The following MGAT4C variants were observed in gnomAD, a reference collection of about 807,000 sequenced individuals.
The protein encoded by MGAT4C is alpha-1,3-mannosyl-glycoprotein 4-beta-N-acetylglucosaminyltransferase C.
A neutral mutation model predicts 40.1 loss-of-function variants in MGAT4C; 19 were observed. That is an observed-to-expected ratio of 0.47 (90% CI 0.33 to 0.70). MGAT4C has a LOEUF of 0.70. Among genes scored for constraint, MGAT4C ranks in the 30% least tolerant of loss-of-function variants. The pLI, the probability that MGAT4C is intolerant of heterozygous loss-of-function variation, is 0.02. For synonymous variants in MGAT4C, 181 were observed against 187.1 expected, an observed-to-expected ratio of 0.97 and a Z score of 0.27; for missense variants, 491 against 563.2, an observed-to-expected ratio of 0.87 and a Z score of 1.30.
At chr12:86,160,491 G>A (rs757731762) in intron 1 of MGAT4C, among the ~76,000 whole-genome samples, 4 of 151,936 alleles carry the variant, frequency 2.6e-5, no homozygotes, top group Non-Finnish European at 4.4e-5. Flanking sequence ...CTTTATGAGC[G>A]AGCATGTGAT....
intron 2 of MGAT4C, among the ~76,000 whole-genome samples, chr12:86,588,329 A>G (rs375749605): frequency 3.3e-5 from 5 of 151,962 alleles, no homozygotes; most frequent in East Asian, 3.9e-4. Context: ...ATGGTAAAGG[A>G]ATCAATTCAA....
In MGAT4C at chr12:86,201,232, G is replaced by A. The variant is rs1294373992; in HGVS notation, c.-57+55007C>T. Reference sequence around the variant, plus strand: ...CTCTGCATGTATGCATGACCCATGCGAAAATATTTTTTATATGATGTGAGA... The same window carrying A: ...CTCTGCATGTATGCATGACCCATGCAAAAATATTTTTTATATGATGTGAGA... On this transcript the variant is annotated intron_variant, in intron 1 of 4. Coordinates refer to ENST00000611864, the MANE Select transcript of MGAT4C (RefSeq NM_001351288.2). Among the ~76,000 whole-genome samples the A allele has an allele frequency of 2.6e-5, 4 of 152,040 alleles. No individual in the cohort carries two copies. In the East Asian group the frequency reaches 5.8e-4, roughly 22 times the overall value.
At chr12:86,216,832 T>C (rs1229613700) in intron 1 of MGAT4C, among the ~76,000 whole-genome samples, 1 of 152,198 alleles carries the variant, frequency 6.6e-6, no homozygotes, top group African/African-American at 2.4e-5. Flanking sequence ...ATTGCAGACA[T>C]ACAACTATCT....
At chr12:86,748,031 A>G (rs778927205) in intron 1 of MGAT4C, among the ~76,000 whole-genome samples, 29 of 151,668 alleles carry the variant, frequency 1.9e-4, no homozygotes, top group Non-Finnish European at 3.8e-4. Context: ...ATTAGGAACC[A>G]AGCCCTGTTT....
At chr12:86,020,927 G>A (rs1272620615) in intron 2 of MGAT4C, among the ~76,000 whole-genome samples, 1 of 152,178 alleles carries the variant, frequency 6.6e-6, no homozygotes. Context: ...AGTGGGCAGA[G>A]GATATGAACA....
intron 2 of MGAT4C, among the ~76,000 whole-genome samples, chr12:86,043,814 G>T (rs1892120105): frequency 6.6e-6 from 1 of 152,118 alleles, no homozygotes; most frequent in Non-Finnish European, 1.5e-5. Flanking sequence ...ACTTGAATTG[G>T]GTTTTGACTT....
At chr12:86,804,692 C>G (rs1322574957) in intron 1 of MGAT4C, among the ~76,000 whole-genome samples, 1 of 151,862 alleles carries the variant, frequency 6.6e-6, no homozygotes, top group African/African-American at 2.4e-5. Flanking sequence ...ATTTCTAAGT[C>G]AAATTGTTAA....
At chr12:86,538,809 G>A (rs1401991881) in intron 2 of MGAT4C, among the ~76,000 whole-genome samples, 6 of 151,682 alleles carry the variant, frequency 4.0e-5, no homozygotes, top group Admixed American at 2.6e-4. Context: ...GGGTTTCACC[G>A]TGTTAGCCAG....
chr12:86,021,453 C>G (rs1889720100), intron 2 of MGAT4C, among the ~76,000 whole-genome samples: 2 of 151,704 alleles, frequency 1.3e-5, no homozygotes, highest in Admixed American at 1.3e-4. Context: ...ATGGATGAAG[C>G]TGGAAACCAT....
intron 2 of MGAT4C, among the ~76,000 whole-genome samples, chr12:86,616,041 A>C (rs932500438): frequency 2.6e-5 from 4 of 152,144 alleles, no homozygotes; most frequent in Admixed American, 1.3e-4. Context: ...TGTAGTATTC[A>C]AGCTCATAAA....
At chr12:86,205,772 T>G (rs977614159) in intron 1 of MGAT4C, among the ~76,000 whole-genome samples, 1 of 152,060 alleles carries the variant, frequency 6.6e-6, no homozygotes, top group Non-Finnish European at 1.5e-5. Context: ...AGAATTTTAA[T>G]TCAGACTTCC....
At chr12:86,416,942 A>G (rs1017001589) in intron 3 of MGAT4C, among the ~76,000 whole-genome samples, 1 of 152,150 alleles carries the variant, frequency 6.6e-6, no homozygotes, top group African/African-American at 2.4e-5. Flanking sequence ...ATTATTTCCT[A>G]CAGGTTTCAA....
intron 3 of MGAT4C, among the ~76,000 whole-genome samples, chr12:86,424,331 C>G (rs1396917399): frequency 6.6e-6 from 1 of 152,204 alleles, no homozygotes; most frequent in Non-Finnish European, 1.5e-5. Flanking sequence ...CCAATCATCA[C>G]AGGAAGTGCA....
At position 85,966,619 on chromosome 12, in the gene MGAT4C, A is replaced by G. The variant is rs1419996328; in HGVS notation, c.*12670T>C. 1 of 152,136 alleles carries G rather than the reference A, an allele frequency of 6.6e-6. No homozygotes were observed. The highest frequency in any genetic ancestry group is 1.5e-5 in the Non-Finnish European group (1 of 68,034). 9.4% of individuals were successfully genotyped at this position (152,136 alleles called of 1,614,324 possible). On this transcript the variant is annotated 3_prime_UTR_variant, in exon 5 of 5. Transcript: ENST00000611864. ...GCACACGTATGTTTATTGCGGCACT[A>G]TTCACAATAGCAAAGACTTGGAACC...
chr12:86,768,314 T>A (rs943344546), intron 1 of MGAT4C, among the ~76,000 whole-genome samples: 1 of 152,114 alleles, frequency 6.6e-6, no homozygotes, highest in Non-Finnish European at 1.5e-5. Context: ...TTACGAGGGA[T>A]GTGAAGGACC....
In MGAT4C at chr12:86,818,450, G is replaced by A. The variant is rs191484509; in HGVS notation, c.-262+20216C>T. On this transcript the variant is annotated intron_variant, in intron 1 of 7. Transcript: ENST00000548651. Reference sequence around the variant, plus strand: ...AGAAGCAGAGAGGGATAAGGTAATAGAAAATCAGAGTGAATTGTTAGAGGC... The same window carrying A: ...AGAAGCAGAGAGGGATAAGGTAATAAAAAATCAGAGTGAATTGTTAGAGGC... 9.3e-5 allele frequency among the ~76,000 whole-genome samples: 14 copies of A among 151,250 alleles called. No individual in the cohort carries two copies. In the Admixed American group the frequency reaches 9.3e-4, roughly 10 times the overall value.
chr12:86,503,509 T>C (rs576234025), intron 2 of MGAT4C, among the ~76,000 whole-genome samples: 1 of 11,162 alleles, frequency 9.0e-5, no homozygotes, highest in African/African-American at 5.6e-4. Flanking sequence ...TATATATATA[T>C]ATATGAGTTC....
intron 2 of MGAT4C, among the ~76,000 whole-genome samples, chr12:86,555,646 T>G (rs999707410): frequency 4.6e-5 from 7 of 152,220 alleles, no homozygotes; most frequent in African/African-American, 1.7e-4. Flanking sequence ...TATCTTGAGT[T>G]AAAAGAACCT....
intron 1 of MGAT4C, among the ~76,000 whole-genome samples, chr12:86,123,304 G>C (rs1432550928): frequency 1.3e-5 from 2 of 152,064 alleles, no homozygotes; most frequent in African/African-American, 4.8e-5. Context: ...GGAGTGATTT[G>C]AAACAAAAAG....
Sources: gnomAD v4.1 joint callset for allele counts (sites outside exome capture counted in the v4.1 genomes callset) on GRCh38, gnomAD v4.1.1 for gene constraint, MANE v1.5 for transcripts, NCBI Gene and HGNC (gene_info 2026-07-23, HGNC 2026-07-21) for gene names.